MCC: variants seen among roughly 807,000 people sequenced by gnomAD.
MCC encodes the protein MCC regulator of Wnt signaling pathway.
MCC carries 90 observed loss-of-function variants against 116.2 expected under a neutral mutation model. The ratio of observed to expected loss-of-function variants is 0.77; its 90% confidence interval spans 0.65 to 0.92. The LOEUF (loss-of-function observed/expected upper bound fraction) is 0.92, where lower values mean the gene tolerates loss of function less well. Ranked by LOEUF, MCC falls within the 40% of genes least tolerant of loss-of-function variation. The pLI is 0.00. For synonymous variants in MCC, 578 were observed against 510.5 expected (o/e 1.13, Z -1.78); for missense variants, 1,516 against 1,312.2 (o/e 1.16, Z -2.40).
At chr5:113,479,890 C>T (rs1223731132) in intron 1 of MCC, among the ~76,000 whole-genome samples, 2 of 152,158 alleles carry the variant, frequency 1.3e-5, no homozygotes, top group South Asian at 2.1e-4. Flanking sequence ...CTCACAAAGG[C>T]TCTCTTTCAA....
At chr5:113,233,369 C>T (rs1581288699) in intron 3 of MCC, among the ~76,000 whole-genome samples, 1 of 152,038 alleles carries the variant, frequency 6.6e-6, no homozygotes, top group East Asian at 1.9e-4. Flanking sequence ...AAATGTCTAC[C>T]CCAAATGCCT....
chr5:113,315,240 AGG>A (rs748796562), intron 3 of MCC, among the ~76,000 whole-genome samples: 11 of 152,158 alleles, frequency 7.2e-5, no homozygotes, highest in Non-Finnish European at 1.0e-4. Flanking sequence ...CATGCCTGCT[AGG>A]GAACCCCCAA....
At chr5:113,067,281 G>A (rs72803226) in intron 13 of MCC, among the ~76,000 whole-genome samples, 1 of 152,164 alleles carries the variant, frequency 6.6e-6, no homozygotes, top group Non-Finnish European at 1.5e-5. Flanking sequence ...ATGCTGACAA[G>A]AGCAGGGGGT....
At chr5:113,280,876 A>C (rs913637852) in intron 3 of MCC, among the ~76,000 whole-genome samples, 1 of 152,170 alleles carries the variant, frequency 6.6e-6, no homozygotes, top group African/African-American at 2.4e-5. Flanking sequence ...CATGGAGATG[A>C]CCCAGCCATG....
In MCC at chr5:113,049,163, T is replaced by G. The variant is rs1303896379; in HGVS notation, c.2585A>C (p.Glu862Ala). 2.5e-6 allele frequency: 4 copies of G among 1,614,082 alleles called. No homozygotes were observed. Among genetic ancestry groups the G allele is most frequent in the Non-Finnish European group, 3.4e-6 (4 of 1,180,044 alleles). Residue 862 changes from glutamate (E) to alanine (A), a missense_variant, in exon 16 of 19, where the codon GAG (glutamate) becomes GCG (alanine). By Grantham distance (107) the Glu-to-Ala change is moderately radical. Coordinates refer to ENST00000408903, the MANE Select transcript of MCC (RefSeq NM_001085377.2). Reference protein sequence around the residue: ...VHIEHLKSEVEEQKEQRMRSL... With the variant: ...VHIEHLKSEVAEQKEQRMRSL... ...TCGCATCCGCTGCTCCTTCTGCTCC[T>G]CCACCTCGGACTTCAGGTGCTCAAT...
chr5:113,328,537 C>T (rs1020676114), intron 3 of MCC, among the ~76,000 whole-genome samples: 3 of 152,164 alleles, frequency 2.0e-5, no homozygotes, highest in Non-Finnish European at 2.9e-5. Flanking sequence ...CCAGCATTCT[C>T]GGCAATTAGG....
chr5:113,044,208 G>A (rs190211432), intron 16 of MCC, among the ~76,000 whole-genome samples: 4 of 152,312 alleles, frequency 2.6e-5, no homozygotes, highest in Admixed American at 2.6e-4. Flanking sequence ...TAGGAGCCTT[G>A]CTGGGTTCAG....
chr5:113,216,805 C>T (rs191321714), intron 3 of MCC, among the ~76,000 whole-genome samples: 1 of 152,198 alleles, frequency 6.6e-6, no homozygotes, highest in Non-Finnish European at 1.5e-5. Flanking sequence ...GGTTGAAAGT[C>T]TGACTCCCGT....
chr5:113,289,173 A>T (rs1051913853), intron 3 of MCC, among the ~76,000 whole-genome samples: 7 of 151,980 alleles, frequency 4.6e-5, no homozygotes, highest in Non-Finnish European at 7.4e-5. Context: ...TCTACTAAAA[A>T]TACAAAAATT....
chr5:113,048,822 G>A, intron 16 of MCC: 1 of 548,126 alleles, frequency 1.8e-6, no homozygotes, highest in South Asian at 2.6e-5. Context: ...AACAGTATCA[G>A]TGGACAACTG....
chr5:113,048,990 CA>C, intron 16 of MCC, 102 bp downstream of exon 16: 1 of 1,101,918 alleles, frequency 9.1e-7, no homozygotes, highest in Non-Finnish European at 1.4e-6. Flanking sequence ...TATGCAAATA[CA>C]AGAACTGAGG....
At chr5:113,194,042 C>A (rs1181376223) in intron 3 of MCC, among the ~76,000 whole-genome samples, 1 of 152,172 alleles carries the variant, frequency 6.6e-6, no homozygotes, top group Non-Finnish European at 1.5e-5. Flanking sequence ...GGCAGCTGCA[C>A]AAACTGAAGA....
chr5:113,270,358 C>A (rs1297255580), intron 3 of MCC, among the ~76,000 whole-genome samples: 2 of 151,936 alleles, frequency 1.3e-5, no homozygotes, highest in Non-Finnish European at 2.9e-5. Flanking sequence ...TGCCCATGTA[C>A]CTGTGCTGAC....
At chr5:113,040,226 TAGG>T (rs1306992646) in intron 17 of MCC, among the ~76,000 whole-genome samples, 1 of 151,614 alleles carries the variant, frequency 6.6e-6, no homozygotes, top group Non-Finnish European at 1.5e-5. Flanking sequence ...AGAAGAAAGT[TAGG>T]AGAAGATACA....
chr5:113,187,069 C>A (rs983020499), intron 3 of MCC, among the ~76,000 whole-genome samples: 19 of 152,176 alleles, frequency 1.2e-4, no homozygotes, highest in Non-Finnish European at 2.5e-4. Context: ...TACTTTGAGG[C>A]TCCTCAACAT....
At chr5:113,066,473 G>C (rs1035238921) in intron 13 of MCC, among the ~76,000 whole-genome samples, 2 of 152,154 alleles carry the variant, frequency 1.3e-5, no homozygotes, top group African/African-American at 4.8e-5. Flanking sequence ...TCTGGGCTGG[G>C]CTGGTAATAC....
intron 15 of MCC, 150 bp downstream of exon 15, chr5:113,053,575 T>G: frequency 1.7e-6 from 1 of 604,098 alleles, no homozygotes; most frequent in Non-Finnish European, 2.9e-6. Context: ...CCCCCAGACA[T>G]AGTGAAACCA....
At position 113,340,588 on chromosome 5, in the gene MCC, G is replaced by C; in HGVS notation, c.558C>G (p.His186Gln). 4 of 1,614,180 alleles carry C rather than the reference G, an allele frequency of 2.5e-6. No homozygotes were observed. Among genetic ancestry groups the C allele is most frequent in the Non-Finnish European group, 3.4e-6 (4 of 1,180,018 alleles). ...TGTGCGGGGACTGTGTGAGCAGTTTGTGGAGAGCAGCCTGCTGATGCAAAG... is the reference window on the plus strand; with the variant it reads ...TGTGCGGGGACTGTGTGAGCAGTTTCTGGAGAGCAGCCTGCTGATGCAAAG... ...GSSLHQQAAL[H>Q]KLLTQSPHIG... The change falls in exon 3 of 19, where the codon CAC becomes CAG. Residue 186 changes from histidine (H) to glutamine (Q), a missense_variant. Transcript: ENST00000408903.
At chr5:113,400,159 G>C (rs1032646041) in intron 1 of MCC, among the ~76,000 whole-genome samples, 1 of 96,770 alleles carries the variant, frequency 1.0e-5, no homozygotes, top group African/African-American at 4.4e-5. Flanking sequence ...GTCTTACTGT[G>C]TCGCCCAGGC....
Sources: gnomAD v4.1 joint callset for allele counts (sites outside exome capture counted in the v4.1 genomes callset) on GRCh38, gnomAD v4.1.1 for gene constraint, MANE v1.5 for transcripts, NCBI Gene and HGNC (gene_info 2026-07-23, HGNC 2026-07-21) for gene names.